The following EPPK1 variants were observed in gnomAD, a reference collection of about 807,000 sequenced individuals.
EPPK1 encodes epiplakin 1, also known as epiplakin.
For synonymous variants in EPPK1, 1,862 were observed against 1,721.2 expected (o/e 1.08, Z -2.03); for missense variants, 3,823 against 3,673.3 (o/e 1.04, Z -1.05).
rs782702524 is a variant in EPPK1, at chr8:143,873,201, TC to T, written c.52del (p.Glu18SerfsTer26). The T allele has an allele frequency of 9.6e-5, 152 of 1,590,392 alleles. No individual in the cohort carries two copies. Among genetic ancestry groups the T allele is most frequent in the Non-Finnish European group, 1.2e-4 (138 of 1,172,086 alleles). On this transcript the variant is annotated frameshift_variant, in exon 2 of 2. Coordinates refer to ENST00000615648, the MANE Select transcript of EPPK1 (RefSeq NM_031308.4). LOFTEE classifies it low-confidence loss of function (END_TRUNC). Reference sequence around the variant, plus strand: ...CATGGCTCTGGGTACACTGGCCTGCTCTGTGCTGTTGGTGCCTGGGACGGGA... The same window carrying T: ...CATGGCTCTGGGTACACTGGCCTGCTTGTGCTGTTGGTGCCTGGGACGGGA... ...PLPVPGTNST[E>X]QASVPRAMAA... is the part of the protein sequence containing the mutation.
Position 143,868,967 on chromosome 8 carries a change from C to A in EPPK1, c.4287G>T (p.Leu1429Phe), listed in dbSNP as rs781931068. The change falls in exon 2 of 2, where the codon TTG (leucine) becomes TTT (phenylalanine). Residue 1429 changes from leucine (L) to phenylalanine (F), a missense_variant. Transcript: ENST00000615648. ...ERCVCDSETG[L>F]LLLPLPSDTV... The stretch of plus-strand genomic sequence containing the variant: ...TGTCTGAGGGCAGTGGCAACAGCAA[C>A]AATCCGGTCTCGGAGTCGCACACGC... 8 of 1,610,646 alleles carry A rather than the reference C, an allele frequency of 5.0e-6. No homozygotes were observed. Among genetic ancestry groups the A allele is most frequent in the Non-Finnish European group, 6.8e-6 (8 of 1,179,834 alleles).
rs782373843 is a variant in EPPK1, at chr8:143,871,535, C to A, written c.1719G>T (p.Leu573=). Residue 573 remains leucine, a synonymous_variant, in exon 2 of 2, where the codon CTG becomes CTT. Coordinates refer to ENST00000615648, the MANE Select transcript of EPPK1 (RefSeq NM_031308.4). ...LRDTVTPGEL[L]KAEIIDQDLY... is the part of the protein sequence containing the mutation. The stretch of plus-strand genomic sequence containing the variant: ...GGTCCTGGTCGATGATCTCGGCTTT[C>A]AGCAGCTCTCCTGGTGTCACGGTGT... 4.3e-6 allele frequency: 7 copies of A among 1,610,012 alleles called. No homozygotes were observed. The East Asian group carries it at 1.3e-4, about 31-fold the overall frequency.
At position 143,872,212 on chromosome 8, in the gene EPPK1, C is replaced by T. The variant is rs782064854; in HGVS notation, c.1042G>A (p.Val348Ile). ...WVDEAVRAGL[V>I]SPELHEQLLV... ...AGCTGCTCATGGAGCTCTGGGCTGA[C>T]CAGGCCCGCCCTGACTGCCTCGTCT... Residue 348 changes from valine to isoleucine, a missense_variant, in exon 2 of 2, where the codon GTC becomes ATC. By Grantham distance (29) the Val-to-Ile change is conservative. Transcript: ENST00000615648. 1.2e-6 allele frequency: 2 copies of T among 1,607,752 alleles called. No individual in the cohort carries two copies. Among genetic ancestry groups the T allele is most frequent in the East Asian group, 4.5e-5 (2 of 44,848 alleles).
rs782006083 is a variant in EPPK1, at chr8:143,868,463, C to A, written c.4791G>T (p.Arg1597=). The change falls in exon 2 of 2, where the codon CGG becomes CGT. Residue 1597 remains arginine, a synonymous_variant. Transcript: ENST00000615648. Reference sequence around the variant, plus strand: ...CCAGCAGCACCAGGGCTGTGCCAGGCCGCAGGATGTGCCTCCTCAGGGCCT... The same window carrying A: ...CCAGCAGCACCAGGGCTGTGCCAGGACGCAGGATGTGCCTCCTCAGGGCCT... ...IPEALRRHIL[R]PGTALVLLEA... is the part of the protein sequence containing the mutation. The A allele has an allele frequency of 2.5e-6, 4 of 1,612,294 alleles. No homozygotes were observed. Among genetic ancestry groups the A allele is most frequent in the Non-Finnish European group, 3.4e-6 (4 of 1,179,738 alleles).
Position 143,870,470 on chromosome 8 carries a change from G to A in EPPK1, c.2784C>T (p.Gly928=), listed in dbSNP as rs56118826. Residue 928 remains glycine, a synonymous_variant, in exon 2 of 2, where the codon GGC becomes GGT. Coordinates refer to ENST00000615648, the MANE Select transcript of EPPK1 (RefSeq NM_031308.4). This position sits in a 1 kb window ranked among gnomAD's most constrained non-coding sequence, Gnocchi z 5.2. ...GCCGCACACCGCCCACAGCTCCCAGGCCGCACAGGTACCTGCGGACGCCGT... is the reference window on the plus strand; with the variant it reads ...GCCGCACACCGCCCACAGCTCCCAGACCGCACAGGTACCTGCGGACGCCGT... ...LMDGVRRYLC[G]LGAVGGVRLL... 262,720 of 1,603,058 alleles carry A rather than the reference G, an allele frequency of 0.16. 22,988 individuals are homozygous for A. The highest frequency in any genetic ancestry group is 0.18 in the Non-Finnish European group (208,704 of 1,177,006).
rs374472225 is a variant in EPPK1 at position 143,866,739 on chromosome 8, A to C, written c.6515T>G (p.Leu2172Arg). Residue 2172 changes from leucine to arginine, a missense_variant, in exon 2 of 2, where the codon CTG becomes CGG. Transcript: ENST00000615648. ...CTGTCGTCTAATTCCTTGGAACCAC[A>C]GGTGTTTGTTGCTGGTTTCCTGCTT... Reference protein sequence around the residue: ...IEKQETSNKHLWFQGIRRQIT... With the variant: ...IEKQETSNKHRWFQGIRRQIT... The C allele has an allele frequency of 3.4e-5, 55 of 1,613,284 alleles. No homozygotes were observed. In the African/African-American group the frequency reaches 7.1e-4, roughly 21 times the overall value.
intron 1 of EPPK1, among the ~76,000 whole-genome samples, chr8:143,876,442 C>T (rs782109756): frequency 1.3e-5 from 2 of 152,306 alleles, no homozygotes; most frequent in African/African-American, 2.4e-5. Context: ...ACAGCCTGAC[C>T]GGGGTGGCTA....
rs782230626 is a variant in EPPK1, at chr8:143,867,272, C to G, written c.5982G>C (p.Gln1994His). ...CCTCCGCCTTCTCGATGAGCTGCTT[C>G]TGCATGGCCTGGAACAGCGGGATCG... ...GDTIPLFQAM[Q>H]KQLIEKAEAL... is the part of the protein sequence containing the mutation. The change falls in exon 2 of 2, where the codon CAG (glutamine) becomes CAC (histidine). Residue 1994 changes from glutamine (Q) to histidine (H), a missense_variant. Physicochemically the swap from Gln to His is conservative, Grantham distance 24. Coordinates refer to ENST00000615648, the MANE Select transcript of EPPK1 (RefSeq NM_031308.4). 1.8e-5 allele frequency: 29 copies of G among 1,612,368 alleles called. No homozygotes were observed. The highest frequency in any genetic ancestry group is 2.7e-5 in the African/African-American group (2 of 74,930).
In EPPK1 at chr8:143,868,648, C is replaced by A; in HGVS notation, c.4606G>T (p.Ala1536Ser). 1 of 1,589,602 alleles carries A rather than the reference C, an allele frequency of 6.3e-7. No homozygotes were observed. Among genetic ancestry groups the A allele is most frequent in the East Asian group, 2.3e-5 (1 of 43,542 alleles). ...AGCGTCTTCCTGCTGATCAGCTGCG[C>A]CCTGAACAGGTCCCTGGCTGACACC... ...KQVSARDLFR[A>S]QLISRKTLDE... The change falls in exon 2 of 2, where the codon GCG becomes TCG. Residue 1536 changes from alanine (A) to serine (S), a missense_variant. Coordinates refer to ENST00000615648, the MANE Select transcript of EPPK1 (RefSeq NM_031308.4).
In EPPK1 at chr8:143,872,663, G is replaced by A; in HGVS notation, c.591C>T (p.Asp197=). The A allele has an allele frequency of 6.2e-7, 1 of 1,608,770 alleles. No individual in the cohort carries two copies. The highest frequency in any genetic ancestry group is 8.5e-7 in the Non-Finnish European group (1 of 1,179,068). Residue 197 remains aspartate (D), a synonymous_variant, in exon 2 of 2, where the codon GAC becomes GAT. Coordinates refer to ENST00000615648, the MANE Select transcript of EPPK1 (RefSeq NM_031308.4). ...KLSELEPGTG[D]LRFLDPNTLE... The stretch of plus-strand genomic sequence containing the variant: ...GCGTGTTGGGGTCGAGGAAGCGCAG[G>A]TCACCTGTGCCAGGCTCAAGCTCTG...
In EPPK1 at chr8:143,867,034, G is replaced by GGC. The variant is rs1382323341; in HGVS notation, c.6218_6219dup (p.Pro2074AlafsTer13). On this transcript the variant is annotated frameshift_variant, in exon 2 of 2. Coordinates refer to ENST00000615648, the MANE Select transcript of EPPK1 (RefSeq NM_031308.4). LOFTEE classifies it low-confidence loss of function (END_TRUNC). ...AGCAGCCAGCCCGTGTCCTCTTGTG[G>GGC]GCGGCACCTCTCCTGCAGCTCTCGG... 5.0e-6 allele frequency: 8 copies of GGC among 1,612,682 alleles called. No individual in the cohort carries two copies. Among genetic ancestry groups the GGC allele is most frequent in the Non-Finnish European group, 6.8e-6 (8 of 1,179,846 alleles).
rs568924917 is a variant in EPPK1, at chr8:143,871,659, T to G, written c.1595A>C (p.Gln532Pro). 26 of 1,602,460 alleles carry G rather than the reference T, an allele frequency of 1.6e-5. No homozygotes were observed. The Admixed American group carries it at 1.9e-4, about 12-fold the overall frequency. The change falls in exon 2 of 2, where the codon CAG becomes CCG. Residue 532 changes from glutamine (Q) to proline (P), a missense_variant. Coordinates refer to ENST00000615648, the MANE Select transcript of EPPK1 (RefSeq NM_031308.4). ...EQRAMLAQQY[Q>P]EGTLSVEKLA... ...CTTCTCCACGGAGAGGGTCCCTTCC[T>G]GGTACTGCTGGGCCAGCATCGCCCT...
chr8:143,872,827 C>A lies in EPPK1; in HGVS notation c.427G>T (p.Asp143Tyr). 1 of 1,562,616 alleles carries A rather than the reference C, an allele frequency of 6.4e-7. No individual in the cohort carries two copies. Among genetic ancestry groups the A allele is most frequent in the Non-Finnish European group, 8.7e-7 (1 of 1,152,922 alleles). The change falls in exon 2 of 2, where the codon GAC becomes TAC. Residue 143 changes from aspartate to tyrosine, a missense_variant. Asp to Tyr is a radical substitution (Grantham distance 160, BLOSUM62 -3). Coordinates refer to ENST00000615648, the MANE Select transcript of EPPK1 (RefSeq NM_031308.4). The part of the protein sequence containing the change: ...LFQAIGKEVV[D>Y]RALGQSWLEV... Reference sequence around the variant, plus strand: ...AGCCAGCTCTGCCCCAGGGCCCTGTCCACAACCTCCTTCCCGATGGCCTGA... The same window carrying A: ...AGCCAGCTCTGCCCCAGGGCCCTGTACACAACCTCCTTCCCGATGGCCTGA...
chr8:143,869,844 C>G lies in EPPK1; in HGVS notation c.3410G>C (p.Gly1137Ala), dbSNP rs782060237. 6.3e-7 allele frequency: 1 copy of G among 1,598,668 alleles called. No individual in the cohort carries two copies. Reference protein sequence around the residue: ...QVQRSLQAVPGAKDGTSLWDL... With the variant: ...QVQRSLQAVPAAKDGTSLWDL... ...CCAGAGGGATGTGCCATCCTTGGCC[C>G]CCGGCACGGCCTGCAGGCTCCTCTG... The change falls in exon 2 of 2, where the codon GGG (glycine) becomes GCG (alanine). Residue 1137 changes from glycine (G) to alanine (A), a missense_variant. Coordinates refer to ENST00000615648, the MANE Select transcript of EPPK1 (RefSeq NM_031308.4).
In EPPK1 at chr8:143,869,616, A is replaced by T. The variant is rs200611144; in HGVS notation, c.3638T>A (p.Ile1213Asn). ...VPAVWLLDAG[I>N]ITQETLEALA... is the part of the protein sequence containing the mutation. The stretch of plus-strand genomic sequence containing the variant: ...GGCCTCAAGGGTCTCCTGGGTGATG[A>T]TGCCAGCATCCAGCAGCCAGACAGC... Residue 1213 changes from isoleucine to asparagine, a missense_variant, in exon 2 of 2, where the codon ATC becomes AAC. By Grantham distance (149) the Ile-to-Asn change is moderately radical. Coordinates refer to ENST00000615648, the MANE Select transcript of EPPK1 (RefSeq NM_031308.4). 111 of 1,577,104 alleles carry T rather than the reference A, an allele frequency of 7.0e-5. No homozygotes were observed. The highest frequency in any genetic ancestry group is 8.3e-5 in the Non-Finnish European group (96 of 1,161,796).
chr8:143,869,816 G>A lies in EPPK1; in HGVS notation c.3438C>T (p.Asp1146=), dbSNP rs1554660522. The change falls in exon 2 of 2, where the codon GAC becomes GAT. Residue 1146 remains aspartate, a synonymous_variant. Coordinates refer to ENST00000615648, the MANE Select transcript of EPPK1 (RefSeq NM_031308.4). ...CGGTGAAGTGGCAGGAGCTGAGCAG[G>A]TCCCAGAGGGATGTGCCATCCTTGG... The part of the protein sequence containing the change: ...PGAKDGTSLW[D]LLSSCHFTEE... The A allele has an allele frequency of 6.3e-7, 1 of 1,599,548 alleles. No homozygotes were observed. The highest frequency in any genetic ancestry group is 2.3e-5 in the East Asian group (1 of 44,070).
chr8:143,870,758 G>A lies in EPPK1; in HGVS notation c.2496C>T (p.Ser832=), dbSNP rs373425138. The change falls in exon 2 of 2, where the codon TCC becomes TCT. Residue 832 remains serine, a synonymous_variant. Transcript: ENST00000615648. The surrounding 1 kb of genome is among the most constrained non-coding windows in gnomAD (Gnocchi z 5.2). ...ACTCAGAGTTGATCAGCTCCCACGCGGAGACCCTCTGCCCCTGAAACCGTC... is the reference window on the plus strand; with the variant it reads ...ACTCAGAGTTGATCAGCTCCCACGCAGAGACCCTCTGCCCCTGAAACCGTC... The part of the protein sequence containing the change: ...KYGRFQGQRV[S]AWELINSEYF... 32 of 1,612,458 alleles carry A rather than the reference G, an allele frequency of 2.0e-5. No individual in the cohort carries two copies. Among genetic ancestry groups the A allele is most frequent in the Middle Eastern group, 1.6e-4 (1 of 6,084 alleles).
At chr8:143,873,980 G>A (rs1300550664) in intron 1 of EPPK1, among the ~76,000 whole-genome samples, 3 of 152,182 alleles carry the variant, frequency 2.0e-5, no homozygotes, top group African/African-American at 7.2e-5. Flanking sequence ...ATCCTCCTCT[G>A]CCTGTCCTGG....
intron 1 of EPPK1, among the ~76,000 whole-genome samples, chr8:143,878,060 T>C (rs921142326): frequency 2.0e-5 from 3 of 151,992 alleles, no homozygotes; most frequent in Non-Finnish European, 4.4e-5. Context: ...TTCCCCACCC[T>C]GCAGAGCGTG....
Sources: allele counts gnomAD v4.1 joint callset (sites outside exome capture counted in the v4.1 genomes callset), GRCh38; gene constraint gnomAD v4.1.1; non-coding constraint Gnocchi (gnomAD v3.1); transcripts MANE v1.5; gene names NCBI Gene and HGNC (gene_info 2026-07-23, HGNC 2026-07-21).